Variants in PPARGC1A observed in about 807,000 individuals in gnomAD.
PPARGC1A encodes the protein peroxisome proliferator-activated receptor gamma coactivator 1-alpha.
A neutral mutation model predicts 88.7 loss-of-function variants in PPARGC1A; 25 were observed. The ratio of observed to expected loss-of-function variants is 0.28; its 90% CI spans 0.21 to 0.39. PPARGC1A has a LOEUF of 0.39. Among genes scored for constraint, PPARGC1A ranks in the 10% least tolerant of loss-of-function variants. PPARGC1A has a pLI of 1.00. For missense variants in PPARGC1A, 880 were observed against 968.7 expected (o/e 0.91, Z 1.22); for synonymous variants, 363 against 355.6 (o/e 1.02, Z -0.24).
chr4:24,330,884 C>T, the PPARGC1A span, among the ~76,000 whole-genome samples: 4 of 152,128 alleles, frequency 2.6e-5, no homozygotes, highest in Non-Finnish European at 4.4e-5. Flanking sequence ...GACATAGTCT[C>T]TACTGCTGTT....
At chr4:24,169,406 A>G in the PPARGC1A span, among the ~76,000 whole-genome samples, 1 of 152,208 alleles carries the variant, frequency 6.6e-6, no homozygotes, top group Non-Finnish European at 1.5e-5. Flanking sequence ...AACTTTAGCT[A>G]ATAGTAACAT....
the PPARGC1A span, among the ~76,000 whole-genome samples, chr4:24,151,805 C>T: frequency 6.6e-6 from 1 of 152,252 alleles, no homozygotes; most frequent in South Asian, 2.1e-4. Context: ...CAACTTAACA[C>T]TATGGCATCC....
the PPARGC1A span, among the ~76,000 whole-genome samples, chr4:24,016,126 A>G: frequency 6.6e-6 from 1 of 152,216 alleles, no homozygotes; most frequent in African/African-American, 2.4e-5. Flanking sequence ...TTAAGCAAGG[A>G]AACAGTTTGT....
At chr4:24,238,904 T>C in the PPARGC1A span, among the ~76,000 whole-genome samples, 1 of 152,038 alleles carries the variant, frequency 6.6e-6, no homozygotes, top group African/African-American at 2.4e-5. Flanking sequence ...TCCCTATATT[T>C]TCCTGCTTGA....
At chr4:24,423,094 C>G in the PPARGC1A span, among the ~76,000 whole-genome samples, 1 of 152,148 alleles carries the variant, frequency 6.6e-6, no homozygotes, top group Non-Finnish European at 1.5e-5. Context: ...CACACACACA[C>G]AGACACAAAA....
the PPARGC1A span, among the ~76,000 whole-genome samples, chr4:24,354,068 C>T: frequency 2.6e-5 from 4 of 152,146 alleles, no homozygotes; most frequent in African/African-American, 9.7e-5. Context: ...CCTGGAGGCT[C>T]TAATGGAGAG....
the PPARGC1A span, among the ~76,000 whole-genome samples, chr4:24,093,614 A>T: frequency 6.6e-6 from 1 of 152,220 alleles, no homozygotes; most frequent in Non-Finnish European, 1.5e-5. Context: ...CTCACCAGTC[A>T]TATGGTTCTT....
intron 2 of PPARGC1A, among the ~76,000 whole-genome samples, chr4:23,870,263 T>C (rs1713008864): frequency 6.6e-6 from 1 of 152,360 alleles, no homozygotes; most frequent in Admixed American, 6.5e-5. Flanking sequence ...AAAACTTTTT[T>C]ATGGAAAGAT....
At chr4:24,463,398 G>T in the PPARGC1A span, among the ~76,000 whole-genome samples, 1 of 152,156 alleles carries the variant, frequency 6.6e-6, no homozygotes, top group Non-Finnish European at 1.5e-5. Context: ...AAAATTAAGA[G>T]GTTTAGCAAG....
intron 1 of PPARGC1A, among the ~76,000 whole-genome samples, chr4:23,897,017 C>T (rs976582986): frequency 2.0e-5 from 3 of 152,142 alleles, no homozygotes; most frequent in Admixed American, 6.5e-5. Context: ...GTTGCAGCCC[C>T]GTGCTTGGGC....
the PPARGC1A span, among the ~76,000 whole-genome samples, chr4:24,003,560 C>G: frequency 1.3e-5 from 2 of 152,034 alleles, no homozygotes; most frequent in Non-Finnish European, 2.9e-5. Flanking sequence ...TGTCAAGGAG[C>G]CAACCACACA....
chr4:24,171,744 G>A, the PPARGC1A span, among the ~76,000 whole-genome samples: 1 of 152,192 alleles, frequency 6.6e-6, no homozygotes, highest in Admixed American at 6.5e-5. Flanking sequence ...ATTCATGATA[G>A]ATGTACTTAT....
chr4:24,328,079 A>G, the PPARGC1A span, among the ~76,000 whole-genome samples: 3 of 151,982 alleles, frequency 2.0e-5, no homozygotes, highest in Non-Finnish European at 2.9e-5. Flanking sequence ...CAAATCCTAT[A>G]AAACGGCCCC....
rs1021660961 is a variant in PPARGC1A, at chr4:23,792,347, T to C, written c.*3475A>G. ...GTACATGGCTATTCTAGGTCATCTA[T>C]AGATCAGGTCTTAGACTACAGTGAT... On this transcript the variant is annotated 3_prime_UTR_variant, in exon 13 of 13. Coordinates refer to ENST00000264867, the MANE Select transcript of PPARGC1A (RefSeq NM_013261.5). 6.6e-6 allele frequency: 1 copy of C among 152,580 alleles called. No individual in the cohort carries two copies. Among genetic ancestry groups the C allele is most frequent in the African/African-American group, 2.4e-5 (1 of 41,448 alleles). The allele number at this position is 152,580 out of a possible 1,614,324, so 9.5% of individuals were successfully genotyped here. A position where few individuals can be genotyped will look rare whatever the true frequency, so the allele number is the denominator to read the frequency against.
At chr4:24,267,198 C>G in the PPARGC1A span, among the ~76,000 whole-genome samples, 1 of 152,212 alleles carries the variant, frequency 6.6e-6, no homozygotes, top group Non-Finnish European at 1.5e-5. Context: ...AGAGTAGCGA[C>G]AGTGGAATGC....
At chr4:24,010,322 A>C in the PPARGC1A span, among the ~76,000 whole-genome samples, 1 of 152,192 alleles carries the variant, frequency 6.6e-6, no homozygotes, top group Non-Finnish European at 1.5e-5. Flanking sequence ...CTTAGTTTTC[A>C]AGGTGGCTTT....
At chr4:23,844,818 G>GATATATATTATTATAATATATT (rs1727965830) in intron 2 of PPARGC1A, among the ~76,000 whole-genome samples, 1 of 120,586 alleles carries the variant, frequency 8.3e-6, no homozygotes, top group Non-Finnish European at 1.6e-5. Flanking sequence ...TATAATATAT[G>GATATATATTATTATAATATATT]ATATATATTA....
At chr4:24,450,590 A>C in the PPARGC1A span, among the ~76,000 whole-genome samples, 2 of 152,096 alleles carry the variant, frequency 1.3e-5, no homozygotes, top group Non-Finnish European at 2.9e-5. Flanking sequence ...TTCCCAGTTA[A>C]AAAAAAGGTG....
the PPARGC1A span, among the ~76,000 whole-genome samples, chr4:24,175,944 C>CA: frequency 6.6e-6 from 1 of 152,174 alleles, no homozygotes; most frequent in East Asian, 1.9e-4. Flanking sequence ...GCCCTGAGCA[C>CA]AGAGTCAACT....
Sources: allele counts gnomAD v4.1 joint callset (sites outside exome capture counted in the v4.1 genomes callset), GRCh38; gene constraint gnomAD v4.1.1; transcripts MANE v1.5; gene names NCBI Gene and HGNC (gene_info 2026-07-23, HGNC 2026-07-21).